The following FCHO2 variants were observed in gnomAD, a reference collection of about 807,000 sequenced individuals.
The protein encoded by FCHO2 is FCH and mu domain containing endocytic adaptor 2.
In FCHO2, 43 loss-of-function variants were observed where a neutral mutation model predicts 114.1. The observed-to-expected ratio is 0.38, with a 90% CI of 0.30 to 0.49. FCHO2 has a LOEUF of 0.49. Among genes scored for constraint, FCHO2 ranks in the 20% least tolerant of loss-of-function variants. FCHO2 has a pLI of 0.97. For missense variants in FCHO2, 807 were observed against 950.4 expected (o/e 0.85, Z 1.98); for synonymous variants, 293 against 315.2 (o/e 0.93, Z 0.75).
intron 5 of FCHO2, among the ~76,000 whole-genome samples, chr5:72,997,958 G>A (rs913621499): frequency 3.9e-5 from 6 of 152,096 alleles, no homozygotes; most frequent in African/African-American, 1.4e-4. Context: ...CAGAGCCACA[G>A]ATATATGGTG....
At chr5:72,957,462 T>C (rs1008932104) in intron 1 of FCHO2, among the ~76,000 whole-genome samples, 3 of 152,206 alleles carry the variant, frequency 2.0e-5, no homozygotes, top group African/African-American at 7.2e-5. Flanking sequence ...ATCCTATAAA[T>C]GGGGCCATGG....
Position 73,058,482 on chromosome 5 carries a change from C to T in FCHO2, c.1303C>T (p.Leu435Phe). 5 of 1,559,202 alleles carry T rather than the reference C, an allele frequency of 3.2e-6. No individual in the cohort carries two copies. Among genetic ancestry groups the T allele is most frequent in the Non-Finnish European group, 3.5e-6 (4 of 1,144,914 alleles). Residue 435 changes from leucine (L) to phenylalanine (F), a missense_variant, in exon 17 of 26, where the codon CTT (leucine) becomes TTT (phenylalanine). Transcript: ENST00000430046. Reference sequence around the variant, plus strand: ...TTGGGACCCCCTATTTGGACCATCTCTTGATTCATCTTCTTCATCTTCACT... The same window carrying T: ...TTGGGACCCCCTATTTGGACCATCTTTTGATTCATCTTCTTCATCTTCACT... ...LAWDPLFGPS[L>F]DSSSSSSLTS...
At chr5:72,991,191 A>T (rs1310001804) in intron 5 of FCHO2, among the ~76,000 whole-genome samples, 1 of 152,070 alleles carries the variant, frequency 6.6e-6, no homozygotes, top group Non-Finnish European at 1.5e-5. Context: ...CAGCCTCCCA[A>T]ATAGCTGGGA....
intron 2 of FCHO2, among the ~76,000 whole-genome samples, chr5:72,973,267 A>G (rs953006510): frequency 1.3e-5 from 2 of 152,154 alleles, no homozygotes; most frequent in Non-Finnish European, 2.9e-5. Context: ...GAATAGTTTC[A>G]GAAGGAATGG....
chr5:72,997,597 T>C (rs1754190219), intron 5 of FCHO2: 1 of 1,373,154 alleles, frequency 7.3e-7, no homozygotes, highest in Non-Finnish European at 1.0e-6. Flanking sequence ...TCACCGCTGA[T>C]GTTCGTTCCG....
chr5:72,980,320 A>G (rs1753133216), intron 2 of FCHO2, among the ~76,000 whole-genome samples: 1 of 152,166 alleles, frequency 6.6e-6, no homozygotes, highest in South Asian at 2.1e-4. Context: ...ACTGTTTGTT[A>G]TGATTTCCGT....
At chr5:73,009,195 G>C (rs1754868897) in intron 6 of FCHO2, among the ~76,000 whole-genome samples, 1 of 152,250 alleles carries the variant, frequency 6.6e-6, no homozygotes, top group African/African-American at 2.4e-5. Context: ...GAGATAGAAA[G>C]TTGCAATTTC....
chr5:73,041,450 T>C (rs1409567993), intron 11 of FCHO2, 135 bp downstream of exon 11: 1 of 510,390 alleles, frequency 2.0e-6, no homozygotes, highest in African/African-American at 2.0e-5. Context: ...CTATTAAAAT[T>C]ATTTTACAGA....
chr5:72,987,251 G>A (rs1389029833), intron 2 of FCHO2, among the ~76,000 whole-genome samples: 1 of 152,064 alleles, frequency 6.6e-6, no homozygotes, highest in Non-Finnish European at 1.5e-5. Flanking sequence ...GTCAGGTGTG[G>A]AATTTTCTGC....
intron 19 of FCHO2, among the ~76,000 whole-genome samples, chr5:73,069,469 T>C (rs113765242): frequency 6.6e-6 from 1 of 152,024 alleles, no homozygotes; most frequent in African/African-American, 2.4e-5. Context: ...TGGGAGACAA[T>C]GGCAGATCAT....
At chr5:72,967,096 G>A (rs1197912788) in intron 1 of FCHO2, among the ~76,000 whole-genome samples, 1 of 152,158 alleles carries the variant, frequency 6.6e-6, no homozygotes, top group East Asian at 1.9e-4. Flanking sequence ...GACCTGCCTG[G>A]CCAACATGGC....
intron 6 of FCHO2, 27 bp downstream of exon 6, chr5:73,006,576 A>G: frequency 7.1e-7 from 1 of 1,402,062 alleles, no homozygotes; most frequent in Non-Finnish European, 9.5e-7. Flanking sequence ...TTCAGATTGA[A>G]AACAGGGCAT....
chr5:73,021,049 T>G (rs897749036), intron 8 of FCHO2: 20 of 1,010,850 alleles, frequency 2.0e-5, no homozygotes, highest in Non-Finnish European at 3.2e-5. Context: ...TCCATGGAAG[T>G]TTACCTGGTC....
intron 2 of FCHO2, among the ~76,000 whole-genome samples, chr5:72,977,749 T>C (rs1290910544): frequency 6.6e-6 from 1 of 152,242 alleles, no homozygotes; most frequent in Non-Finnish European, 1.5e-5. Flanking sequence ...TTTATGGTTT[T>C]AGGTCTTACG....
chr5:73,087,348 C>A (rs1442938004), intron 24 of FCHO2, among the ~76,000 whole-genome samples: 1 of 152,048 alleles, frequency 6.6e-6, no homozygotes, highest in South Asian at 2.1e-4. Flanking sequence ...GCATAGGAGT[C>A]CAGTAGTTAA....
At chr5:72,980,984 T>C (rs892770976) in intron 2 of FCHO2, among the ~76,000 whole-genome samples, 1 of 152,216 alleles carries the variant, frequency 6.6e-6, no homozygotes, top group Admixed American at 6.5e-5. Flanking sequence ...GCTCCTGTCA[T>C]TATGATGCTA....
chr5:72,997,735 C>T, intron 5 of FCHO2: 1 of 1,448,366 alleles, frequency 6.9e-7, no homozygotes, highest in Non-Finnish European at 9.2e-7. Flanking sequence ...AATGTGAGGA[C>T]TGCCTGGGCA....
chr5:72,989,165 A>T (rs2112664836), intron 2 of FCHO2, among the ~76,000 whole-genome samples: 1 of 152,280 alleles, frequency 6.6e-6, no homozygotes, highest in South Asian at 2.1e-4. Context: ...AGCTATGATC[A>T]TACCACTGTA....
At chr5:72,979,757 G>C (rs1753097901) in intron 2 of FCHO2, among the ~76,000 whole-genome samples, 1 of 152,094 alleles carries the variant, frequency 6.6e-6, no homozygotes, top group Non-Finnish European at 1.5e-5. Context: ...ATTCTCTGAT[G>C]GTAGTTTGTA....
Sources: allele counts gnomAD v4.1 joint callset (sites outside exome capture counted in the v4.1 genomes callset), GRCh38; gene constraint gnomAD v4.1.1; transcripts MANE v1.5; gene names NCBI Gene and HGNC (gene_info 2026-07-23, HGNC 2026-07-21).